The following TEFM variants were observed in gnomAD, a reference collection of about 807,000 sequenced individuals.
The protein encoded by TEFM is transcription elongation factor of mitochondria.
Under a neutral mutation model 23.0 loss-of-function variants are expected in TEFM, and 14 were observed. The ratio of observed to expected loss-of-function variants is 0.61; its 90% CI spans 0.40 to 0.95. The LOEUF is 0.95. Among genes scored for constraint, TEFM ranks in the 40% least tolerant of loss-of-function variants. TEFM has a pLI of 0.00. For missense variants in TEFM, 386 were observed against 425.5 expected, an observed-to-expected ratio of 0.91 and a Z score of 0.82; for synonymous variants, 155 against 158.3, an observed-to-expected ratio of 0.98 and a Z score of 0.16.
chr17:30,903,220 T>C (rs996978261), intron 2 of TEFM, among the ~76,000 whole-genome samples: 1 of 149,012 alleles, frequency 6.7e-6, no homozygotes, highest in Non-Finnish European at 1.5e-5. Context: ...GAATTGCTTT[T>C]AGAATGGTGT....
At chr17:30,906,116 G>T (rs1371171924) in intron 1 of TEFM, 52 bp downstream of exon 1, 1 of 1,443,936 alleles carries the variant, frequency 6.9e-7, no homozygotes, top group Non-Finnish European at 9.2e-7. Context: ...AGCCTCTAGG[G>T]TCAGAGGCTA....
chr17:30,899,286 T>C lies in TEFM; in HGVS notation c.966A>G (p.Ile322Met), dbSNP rs1396233638. 6.2e-7 allele frequency: 1 copy of C among 1,614,250 alleles called. No individual in the cohort carries two copies. The highest frequency in any genetic ancestry group is 1.1e-5 in the South Asian group (1 of 91,088). The change falls in exon 4 of 4, where the codon ATA (isoleucine) becomes ATG (methionine). Residue 322 changes from isoleucine to methionine, a missense_variant. Transcript: ENST00000581216. ...ATAAAAACATCTGTCTGTAGTGAAC[T>C]ATTTTATCTGATGGGAAGAACACCC... ...DPRVFFPSDK[I>M]VHYRQMFLST...
At chr17:30,902,826 A>T (rs115077737) in intron 2 of TEFM, among the ~76,000 whole-genome samples, 1 of 152,188 alleles carries the variant, frequency 6.6e-6, no homozygotes, top group Non-Finnish European at 1.5e-5. Flanking sequence ...TACACAGGAC[A>T]TGAGTTCCTC....
intron 2 of TEFM, among the ~76,000 whole-genome samples, chr17:30,903,568 A>G (rs544202840): frequency 6.6e-6 from 1 of 151,810 alleles, no homozygotes; most frequent in Non-Finnish European, 1.5e-5. Flanking sequence ...ATTCAAGATA[A>G]AATGCTTTTT....
Position 30,900,423 on chromosome 17 carries a change from T to A in TEFM, c.635A>T (p.Tyr212Phe). The A allele has an allele frequency of 6.2e-7, 1 of 1,614,132 alleles. No individual in the cohort carries two copies. The highest frequency in any genetic ancestry group is 8.5e-7 in the Non-Finnish European group (1 of 1,179,998). The part of the protein sequence containing the change: ...LMRGIYSSSV[Y>F]LEEISSIISK... The stretch of plus-strand genomic sequence containing the variant: ...GTGCAACTGCCTTACCTCTTCTAAA[T>A]AGACTGATGATGAGTATATTCCTCT... The change falls in exon 3 of 4, where the codon TAT (tyrosine) becomes TTT (phenylalanine). Residue 212 changes from tyrosine (Y) to phenylalanine (F), a missense_variant. By Grantham distance (22) the Tyr-to-Phe change is conservative (BLOSUM62 3). Transcript: ENST00000581216.
chr17:30,900,522 C>A lies in TEFM; in HGVS notation c.536G>T (p.Arg179Ile). The change falls in exon 3 of 4, where the codon AGA becomes ATA. Residue 179 changes from arginine (R) to isoleucine (I), a missense_variant. Coordinates refer to ENST00000581216, the MANE Select transcript of TEFM (RefSeq NM_024683.4). Reference sequence around the variant, plus strand: ...ACGATCAAGGTGAGCCCAGGCAATTCTTCGAGTACCAAAAACGATAGATAT... The same window carrying A: ...ACGATCAAGGTGAGCCCAGGCAATTATTCGAGTACCAAAAACGATAGATAT... ...SIISIVFGTR[R>I]IAWAHLDRKL... 1 of 1,614,136 alleles carries A rather than the reference C, an allele frequency of 6.2e-7. No individual in the cohort carries two copies. The highest frequency in any genetic ancestry group is 8.5e-7 in the Non-Finnish European group (1 of 1,179,990).
chr17:30,900,848 C>T (rs1178362005), intron 2 of TEFM, among the ~76,000 whole-genome samples: 4 of 151,924 alleles, frequency 2.6e-5, no homozygotes. Flanking sequence ...TCTCATGATC[C>T]ACCTGCCTTG....
intron 3 of TEFM, 50 bp downstream of exon 3, chr17:30,900,363 C>G: frequency 6.4e-7 from 1 of 1,574,498 alleles, no homozygotes; most frequent in Non-Finnish European, 8.7e-7. Context: ...GAAGATTAAA[C>G]TACACAAGGA....
intron 3 of TEFM, chr17:30,900,197 C>T (rs1249116440): frequency 2.2e-6 from 1 of 457,162 alleles, no homozygotes; most frequent in African/African-American, 1.9e-5. Flanking sequence ...TTGATTTTCT[C>T]AGTATCTGCC....
rs1910115231 is a variant in TEFM at position 30,904,207 on chromosome 17, C to T, written c.354G>A (p.Val118=). 1 of 1,614,074 alleles carries T rather than the reference C, an allele frequency of 6.2e-7. No homozygotes were observed. Among genetic ancestry groups the T allele is most frequent in the African/African-American group, 1.3e-5 (1 of 75,026 alleles). Residue 118 remains valine, a synonymous_variant, in exon 2 of 4, where the codon GTG becomes GTA. Transcript: ENST00000581216. ...CTGTACTTTTATACTTAAACAAGGG[C>T]ACATTCATTAAACTCTCTAAATTCT... ...PFQNLESLMN[V]PLFKYKSTVQ... is the part of the protein sequence containing the mutation.
intron 1 of TEFM, 124 bp downstream of exon 1, chr17:30,906,044 C>CATT: frequency 7.0e-7 from 1 of 1,434,368 alleles, no homozygotes. Context: ...GGGTCAGAGG[C>CATT]TAATGACAGA....
rs192843544 is a variant in TEFM at position 30,900,594 on chromosome 17, T to A, written c.496-32A>T. On this transcript the variant is annotated intron_variant, in intron 2 of 3. Transcript: ENST00000581216. ...GAAAAGACTGATTTAATTAGAAGTA[T>A]AAACATTTTAGTTTTTTCTTTTTTT... 1.1e-3 allele frequency: 1,752 copies of A among 1,588,670 alleles called. 5 individuals carry two copies. The highest frequency in any genetic ancestry group is 6.1e-3 in the Middle Eastern group (36 of 5,876).
chr17:30,904,058 G>T lies in TEFM; in HGVS notation c.495+8C>A. ...TATTAGGCAGTATAGCAGACATGAA[G>T]AATATACCTTAAGTCTTTCTCTTTC... On this transcript the variant is annotated splice_region_variant and intron_variant, in intron 2 of 3. Transcript: ENST00000581216. The T allele has an allele frequency of 6.2e-7, 1 of 1,608,104 alleles. No individual in the cohort carries two copies. Among genetic ancestry groups the T allele is most frequent in the Non-Finnish European group, 8.5e-7 (1 of 1,176,516 alleles).
In TEFM at chr17:30,900,393, T is replaced by C; in HGVS notation, c.645+20A>G. 1 of 1,612,386 alleles carries C rather than the reference T, an allele frequency of 6.2e-7. No individual in the cohort carries two copies. The highest frequency in any genetic ancestry group is 8.5e-7 in the Non-Finnish European group (1 of 1,178,782). ...CAAGGAGCTCTAGCAGGTAGGAATC[T>C]GGAGGTGCAACTGCCTTACCTCTTC... On this transcript the variant is annotated intron_variant, in intron 3 of 3. Coordinates refer to ENST00000581216, the MANE Select transcript of TEFM (RefSeq NM_024683.4).
chr17:30,904,228 A>G lies in TEFM; in HGVS notation c.333T>C (p.Asn111=). 1 of 1,614,150 alleles carries G rather than the reference A, an allele frequency of 6.2e-7. No individual in the cohort carries two copies. Reference sequence around the variant, plus strand: ...AGGGCACATTCATTAAACTCTCTAAATTCTGAAATGGCCCAAAGTTTTCTC... The same window carrying G: ...AGGGCACATTCATTAAACTCTCTAAGTTCTGAAATGGCCCAAAGTTTTCTC... The part of the protein sequence containing the change: ...EHRENFGPFQ[N]LESLMNVPLF... Residue 111 remains asparagine, a synonymous_variant, in exon 2 of 4, where the codon AAT becomes AAC. Coordinates refer to ENST00000581216, the MANE Select transcript of TEFM (RefSeq NM_024683.4).
At chr17:30,900,081 C>A (rs563025097) in intron 3 of TEFM, 1 of 380,362 alleles carries the variant, frequency 2.6e-6, no homozygotes, top group East Asian at 3.9e-5. Flanking sequence ...CTGACCATTT[C>A]GCAAGGTTTT....
chr17:30,903,136 CAAAAAAA>C (rs1173542105), intron 2 of TEFM, among the ~76,000 whole-genome samples: 6 of 67,110 alleles, frequency 8.9e-5, no homozygotes, highest in Admixed American at 8.4e-4. Flanking sequence ...GACTCTGTCT[CAAAAAAA>C]AAAAAAAAAA....
intron 2 of TEFM, among the ~76,000 whole-genome samples, chr17:30,900,804 T>C (rs1005610478): frequency 2.6e-5 from 4 of 151,650 alleles, no homozygotes; most frequent in African/African-American, 9.7e-5. Context: ...GATGGGGTTT[T>C]ACTGTGTTAG....
rs757006218 is a variant in TEFM, at chr17:30,899,324, T to G, written c.928A>C (p.Lys310Gln). The change falls in exon 4 of 4, where the codon AAG (lysine) becomes CAG (glutamine). Residue 310 changes from lysine (K) to glutamine (Q), a missense_variant. By Grantham distance (53) the Lys-to-Gln change is moderately conservative. Coordinates refer to ENST00000581216, the MANE Select transcript of TEFM (RefSeq NM_024683.4). ...GGGAAGAACACCCGAGGATCCGCCT[T>G]CAGTATAGAATCGAAGAGAAACTGC... is the stretch of plus-strand genomic sequence containing the variant. The part of the protein sequence containing the change: ...VKQFLFDSIL[K>Q]ADPRVFFPSD... 5.6e-6 allele frequency: 9 copies of G among 1,614,230 alleles called. No homozygotes were observed. The highest frequency in any genetic ancestry group is 7.6e-6 in the Non-Finnish European group (9 of 1,180,040).
Sources: allele counts gnomAD v4.1 joint callset (sites outside exome capture counted in the v4.1 genomes callset), GRCh38; gene constraint gnomAD v4.1.1; transcripts MANE v1.5; gene names NCBI Gene and HGNC (gene_info 2026-07-23, HGNC 2026-07-21).